Variants in SAE1 observed in about 807,000 individuals in gnomAD.
SAE1 encodes the protein SUMO1 activating enzyme subunit 1.
In SAE1, 11 loss-of-function variants were observed where a neutral mutation model predicts 40.6. The ratio of observed to expected loss-of-function variants is 0.27; its 90% CI spans 0.17 to 0.45. The LOEUF (loss-of-function observed/expected upper bound fraction) is 0.45. Ranked by LOEUF, SAE1 falls within the 20% of genes least tolerant of loss-of-function variation. The pLI is 1.00. For missense variants in SAE1, 373 were observed against 427.3 expected (o/e 0.87, Z 1.12); for synonymous variants, 155 against 154.3 (o/e 1.00, Z -0.03).
At chr19:47,186,930 G>C (rs1383804799) in intron 6 of SAE1, among the ~76,000 whole-genome samples, 3 of 152,186 alleles carry the variant, frequency 2.0e-5, no homozygotes, top group Non-Finnish European at 4.4e-5. Flanking sequence ...CTGCCCTCTA[G>C]AGACTGTGAG....
intron 1 of SAE1, among the ~76,000 whole-genome samples, chr19:47,139,724 G>T (rs1201963051): frequency 6.6e-6 from 1 of 150,510 alleles, no homozygotes; most frequent in East Asian, 2.0e-4. Flanking sequence ...GAGTAGCTGG[G>T]ACTACAGGCA....
intron 1 of SAE1, among the ~76,000 whole-genome samples, chr19:47,136,734 C>A (rs1389676817): frequency 6.6e-6 from 1 of 152,090 alleles, no homozygotes; most frequent in Admixed American, 6.6e-5. Flanking sequence ...AGGTGATCCG[C>A]CCGCCTTGGC....
At chr19:47,165,076 C>CTTTTTTTTTTTTT (rs769656956) in intron 5 of SAE1, among the ~76,000 whole-genome samples, 1 of 59,074 alleles carries the variant, frequency 1.7e-5, no homozygotes, top group Admixed American at 2.8e-4. Context: ...TGAGCCAAGT[C>CTTTTTTTTTTTTT]TTTTTTTTTT....
chr19:47,187,352 C>CCTG (rs2058550491), intron 6 of SAE1, among the ~76,000 whole-genome samples: 1 of 152,174 alleles, frequency 6.6e-6, no homozygotes, highest in Non-Finnish European at 1.5e-5. Context: ...TGAGGACAGA[C>CCTG]ATGGTGCCCT....
chr19:47,177,093 A>C (rs1267518679), intron 6 of SAE1, among the ~76,000 whole-genome samples: 2 of 152,242 alleles, frequency 1.3e-5, no homozygotes, highest in Admixed American at 1.3e-4. Context: ...TGGCAATCTT[A>C]ACTTGCTCAG....
At chr19:47,169,795 G>C in intron 5 of SAE1, 23 bp from the exon 6 acceptor site, 1 of 1,497,636 alleles carries the variant, frequency 6.7e-7, no homozygotes, top group Non-Finnish European at 9.3e-7. Flanking sequence ...TTATTCCTAA[G>C]CAGTTCTGCC....
At chr19:47,156,411 G>A (rs1043281821) in intron 5 of SAE1, among the ~76,000 whole-genome samples, 2 of 151,862 alleles carry the variant, frequency 1.3e-5, no homozygotes, top group Middle Eastern at 3.4e-3. Flanking sequence ...CTGGGGAGGC[G>A]GATGTTGCAG....
chr19:47,160,176 G>C (rs2058350037), intron 5 of SAE1, among the ~76,000 whole-genome samples: 1 of 149,454 alleles, frequency 6.7e-6, no homozygotes, highest in African/African-American at 2.5e-5. Context: ...CAGTTGCCTG[G>C]ATTGGAACCC....
chr19:47,150,596 A>G (rs554984856), intron 3 of SAE1, among the ~76,000 whole-genome samples: 2 of 152,224 alleles, frequency 1.3e-5, no homozygotes, highest in African/African-American at 4.8e-5. Context: ...GTTGTTGGTG[A>G]CTTGCTGTCT....
chr19:47,186,741 G>A (rs1305363862), intron 6 of SAE1, among the ~76,000 whole-genome samples: 5 of 152,216 alleles, frequency 3.3e-5, no homozygotes, highest in African/African-American at 1.2e-4. Flanking sequence ...CTGAGCTGAT[G>A]CCTGGTGAGG....
intron 8 of SAE1, 108 bp downstream of exon 8, chr19:47,203,848 T>G (rs2058669229): frequency 1.0e-6 from 1 of 994,382 alleles, no homozygotes; most frequent in South Asian, 1.4e-5. Flanking sequence ...CTCACCCCAT[T>G]CATCTTTGTT....
intron 6 of SAE1, among the ~76,000 whole-genome samples, chr19:47,171,836 C>T (rs1165796030): frequency 6.6e-6 from 1 of 152,196 alleles, no homozygotes; most frequent in South Asian, 2.1e-4. Context: ...CTCCTGACCC[C>T]AGGTGATCTG....
intron 6 of SAE1, among the ~76,000 whole-genome samples, chr19:47,175,107 ATTTTTTTTTT>A (rs916783073): frequency 1.1e-5 from 1 of 91,706 alleles, no homozygotes. Context: ...AGTGGCCTTG[ATTTTTTTTTT>A]TTTTTTTTTT....
At chr19:47,197,165 T>C (rs1568609046) in intron 6 of SAE1, 68 bp from the exon 7 acceptor site, 3 of 1,499,532 alleles carry the variant, frequency 2.0e-6, no homozygotes, top group Non-Finnish European at 2.7e-6. Flanking sequence ...TGGGCGACAG[T>C]GTGAGCCTCC....
chr19:47,136,346 C>T (rs2058179847), intron 1 of SAE1, among the ~76,000 whole-genome samples: 1 of 151,756 alleles, frequency 6.6e-6, no homozygotes, highest in South Asian at 2.1e-4. Context: ...CTGTGTTGGC[C>T]AGGCTGGTCT....
intron 2 of SAE1, among the ~76,000 whole-genome samples, chr19:47,144,678 A>G (rs1181043204): frequency 1.3e-5 from 2 of 152,136 alleles, no homozygotes; most frequent in Non-Finnish European, 2.9e-5. Context: ...CAGCCTTGGC[A>G]ACAGAGTGAG....
intron 6 of SAE1, among the ~76,000 whole-genome samples, chr19:47,171,580 T>A (rs1052515431): frequency 1.3e-5 from 2 of 152,054 alleles, no homozygotes; most frequent in African/African-American, 2.4e-5. Flanking sequence ...GCATCCTGAG[T>A]AGCTGGGATC....
rs181187729 is a variant in SAE1 at position 47,167,461 on chromosome 19, C to T, written c.628-2357C>T. 9.9e-4 allele frequency among the ~76,000 whole-genome samples: 147 copies of T among 149,058 alleles called. 1 individual carries two copies. Among genetic ancestry groups the T allele is most frequent in the African/African-American group, 3.3e-3 (134 of 40,448 alleles). On this transcript the variant is annotated intron_variant, in intron 5 of 8. Transcript: ENST00000270225. Reference sequence around the variant, plus strand: ...TTCGCCATGTTAGCCAGGATGGTCTCGATCTCCTGACCTTGTGATCTGCCC... The same window carrying T: ...TTCGCCATGTTAGCCAGGATGGTCTTGATCTCCTGACCTTGTGATCTGCCC...
At chr19:47,204,792 G>A (rs867666093) in intron 8 of SAE1, among the ~76,000 whole-genome samples, 2 of 151,984 alleles carry the variant, frequency 1.3e-5, no homozygotes, top group African/African-American at 4.8e-5. Context: ...CACCGCACCC[G>A]GCCAAGCCCC....
Sources: gnomAD v4.1 joint callset for allele counts (sites outside exome capture counted in the v4.1 genomes callset) on GRCh38, gnomAD v4.1.1 for gene constraint, MANE v1.5 for transcripts, NCBI Gene and HGNC (gene_info 2026-07-23, HGNC 2026-07-21) for gene names.